The following FRAS1 variants were observed in gnomAD, a reference collection of about 807,000 sequenced individuals.
FRAS1 encodes Fraser extracellular matrix complex subunit 1.
Under a neutral mutation model 435.2 loss-of-function variants are expected in FRAS1, and 290 were observed. The ratio of observed to expected loss-of-function variants is 0.67; its 90% CI spans 0.61 to 0.73. The LOEUF is 0.73. Among genes scored for constraint, FRAS1 ranks in the 30% least tolerant of loss-of-function variants. The probability of loss-of-function intolerance (pLI) is 0.00; values close to 1 mark genes in which losing one functional copy is unlikely to be tolerated. For missense variants in FRAS1, 4,860 were observed against 5,001.5 expected (o/e 0.97, Z 0.85); for synonymous variants, 1,800 against 1,851.0 (o/e 0.97, Z 0.71).
At chr4:78,277,563 A>G (rs959927845) in intron 9 of FRAS1, among the ~76,000 whole-genome samples, 12 of 152,322 alleles carry the variant, frequency 7.9e-5, no homozygotes, top group Middle Eastern at 3.4e-3. Flanking sequence ...GAATACTAAC[A>G]TATAGATCAG....
intron 41 of FRAS1, among the ~76,000 whole-genome samples, chr4:78,442,663 C>T (rs929736910): frequency 2.0e-5 from 3 of 152,164 alleles, no homozygotes; most frequent in Non-Finnish European, 4.4e-5. Context: ...GAGGACTATT[C>T]CCTGGCTAAG....
chr4:78,264,975 A>T, intron 6 of FRAS1, 50 bp from the exon 7 acceptor site: 1 of 1,144,758 alleles, frequency 8.7e-7, no homozygotes, highest in Non-Finnish European at 1.3e-6. Flanking sequence ...GCTGTTGTGG[A>T]TCTTATTAAT....
intron 2 of FRAS1, among the ~76,000 whole-genome samples, chr4:78,067,775 C>A (rs1458182284): frequency 6.7e-6 from 1 of 149,486 alleles, no homozygotes; most frequent in Non-Finnish European, 1.5e-5. Context: ...CTCACTGCAA[C>A]CTCTGCCTCT....
At chr4:78,518,450 A>ATATATATATTTATT (rs1487744216) in intron 66 of FRAS1, among the ~76,000 whole-genome samples, 162 of 69,288 alleles carry the variant, frequency 2.3e-3, no homozygotes, top group African/African-American at 5.8e-3. Flanking sequence ...ATATATATAT[A>ATATATATATTTATT]TATTTATTTA....
At chr4:78,528,885 C>T (rs1346639054) in intron 70 of FRAS1, among the ~76,000 whole-genome samples, 1 of 152,116 alleles carries the variant, frequency 6.6e-6, no homozygotes, top group African/African-American at 2.4e-5. Context: ...CCATTCCCAC[C>T]ATGAGAGTGC....
intron 29 of FRAS1, among the ~76,000 whole-genome samples, chr4:78,391,138 T>C (rs1257459783): frequency 2.0e-5 from 3 of 152,182 alleles, no homozygotes; most frequent in African/African-American, 4.8e-5. Context: ...TGAGAAGCCC[T>C]TGGGGCACCT....
At chr4:78,161,704 T>C (rs1298367764) in intron 2 of FRAS1, among the ~76,000 whole-genome samples, 1 of 126,262 alleles carries the variant, frequency 7.9e-6, no homozygotes, top group East Asian at 2.4e-4. Context: ...ATTGTGCCAC[T>C]GTGCTCCAGC....
At chr4:78,149,263 T>A (rs571033413) in intron 2 of FRAS1, among the ~76,000 whole-genome samples, 1 of 152,336 alleles carries the variant, frequency 6.6e-6, no homozygotes, top group East Asian at 1.9e-4. Flanking sequence ...GCAGTGGGCT[T>A]AATATCTGAC....
chr4:78,125,077 T>A (rs925350863), intron 2 of FRAS1, among the ~76,000 whole-genome samples: 1 of 152,220 alleles, frequency 6.6e-6, no homozygotes, highest in African/African-American at 2.4e-5. Context: ...TTAATTGTGA[T>A]GTTAGTGTGT....
chr4:78,093,966 C>G (rs1741656715), intron 2 of FRAS1, among the ~76,000 whole-genome samples: 1 of 152,046 alleles, frequency 6.6e-6, no homozygotes, highest in Admixed American at 6.5e-5. Flanking sequence ...ATGAAGCTCA[C>G]CCCCCTCCCC....
rs903437281 is a variant in FRAS1 at position 78,078,083 on chromosome 4, A to G, written c.108+12067A>G. Among the ~76,000 whole-genome samples, 26 of 152,194 alleles carry G rather than the reference A, an allele frequency of 1.7e-4. 1 individual carries two copies. Among genetic ancestry groups the G allele is most frequent in the Admixed American group, 1.1e-3 (17 of 15,272 alleles). On this transcript the variant is annotated intron_variant, in intron 2 of 73. Coordinates refer to ENST00000512123, the MANE Select transcript of FRAS1 (RefSeq NM_025074.7). ...CAATATGCACACTGTTTGGCTAGCT[A>G]TTTTTTTAACTTAATACTGTATAAT...
intron 73 of FRAS1, among the ~76,000 whole-genome samples, chr4:78,539,942 A>G (rs910645568): frequency 1.3e-5 from 2 of 152,234 alleles, no homozygotes; most frequent in Admixed American, 6.5e-5. Flanking sequence ...CAGAACTATT[A>G]TCATGCTTCA....
intron 12 of FRAS1, 52 bp downstream of exon 12, chr4:78,283,019 C>T: frequency 1.5e-6 from 2 of 1,305,270 alleles, no homozygotes; most frequent in South Asian, 2.2e-5. Flanking sequence ...TGCCAAAAAG[C>T]TCAGAGATCC....
At chr4:78,469,112 A>G (rs560624328) in intron 50 of FRAS1, among the ~76,000 whole-genome samples, 2 of 152,348 alleles carry the variant, frequency 1.3e-5, no homozygotes, top group Non-Finnish European at 2.9e-5. Flanking sequence ...CTTTCAGAAG[A>G]GAAAAAAGAT....
intron 2 of FRAS1, among the ~76,000 whole-genome samples, chr4:78,074,682 T>C (rs985156527): frequency 6.6e-6 from 1 of 152,126 alleles, no homozygotes; most frequent in Non-Finnish European, 1.5e-5. Flanking sequence ...AGGGATTGGT[T>C]TAGGACTGAG....
chr4:78,442,138 C>A (rs1319474667), intron 41 of FRAS1, among the ~76,000 whole-genome samples: 2 of 152,248 alleles, frequency 1.3e-5, no homozygotes, highest in Admixed American at 6.5e-5. Context: ...ACCAGAAATT[C>A]ACTTAGCAGT....
At chr4:78,111,771 A>G (rs1742722181) in intron 2 of FRAS1, among the ~76,000 whole-genome samples, 2 of 149,332 alleles carry the variant, frequency 1.3e-5, no homozygotes, top group South Asian at 2.1e-4. Context: ...AAAAAAAAAA[A>G]AAAGATGAGG....
chr4:78,472,096 G>A (rs1719725557), intron 51 of FRAS1, 84 bp from the exon 52 acceptor site: 1 of 1,359,974 alleles, frequency 7.4e-7, no homozygotes, highest in African/African-American at 1.4e-5. Context: ...AATCATTGTT[G>A]AACTGAATTA....
rs192181196 is a variant in FRAS1, at chr4:78,237,370, A to G, written c.109-140A>G. The stretch of plus-strand genomic sequence containing the variant: ...GCCTTGTGGGGTTTAATCAGTGCCC[A>G]GCAAGTACTGTGTGTGGTGTGCCTG... On this transcript the variant is annotated intron_variant, in intron 2 of 73. Transcript: ENST00000512123. 6.4e-5 allele frequency: 37 copies of G among 582,608 alleles called. No homozygotes were observed. The East Asian group carries it at 1.0e-3, about 16-fold the overall frequency. 36.1% of individuals were successfully genotyped at this position (582,608 alleles called of 1,614,324 possible). A position where few individuals can be genotyped will look rare whatever the true frequency, so the allele number is the denominator to read the frequency against.
Sources: allele counts gnomAD v4.1 joint callset (sites outside exome capture counted in the v4.1 genomes callset), GRCh38; gene constraint gnomAD v4.1.1; transcripts MANE v1.5; gene names NCBI Gene and HGNC (gene_info 2026-07-23, HGNC 2026-07-21).